Variants in RAB12 observed in about 807,000 individuals in gnomAD.
RAB12 encodes RAB12, member RAS oncogene family.
A neutral mutation model predicts 28.4 loss-of-function variants in RAB12; 11 were observed. The ratio of observed to expected loss-of-function variants is 0.39; its 90% CI spans 0.24 to 0.64. The LOEUF is 0.64. RAB12 is among the 30% of genes least tolerant of loss of function. The probability of loss-of-function intolerance (pLI) is 0.50; values close to 1 mark genes in which losing one functional copy is unlikely to be tolerated. For synonymous variants in RAB12, 138 were observed against 145.3 expected (o/e 0.95, Z 0.36); for missense variants, 276 against 351.1 (o/e 0.79, Z 1.71).
chr18:8,615,924 G>T (rs1057107662), intron 1 of RAB12, among the ~76,000 whole-genome samples: 35 of 152,190 alleles, frequency 2.3e-4, no homozygotes, highest in African/African-American at 8.4e-4. Context: ...CTGGTCTGTG[G>T]AATCTGCCAG....
chr18:8,629,971 A>G (rs2096015016), intron 2 of RAB12, among the ~76,000 whole-genome samples: 1 of 152,232 alleles, frequency 6.6e-6, no homozygotes, highest in Non-Finnish European at 1.5e-5. Flanking sequence ...TGCAAGTGTT[A>G]GTCCTTCCTG....
At chr18:8,624,828 G>A in intron 1 of RAB12, 110 bp from the exon 2 acceptor site, 2 of 735,442 alleles carry the variant, frequency 2.7e-6, no homozygotes, top group Non-Finnish European at 4.7e-6. Flanking sequence ...AGGTTTCGTG[G>A]GGTTTTCTTT....
At chr18:8,635,751 C>T in intron 4 of RAB12, 129 bp downstream of exon 4, 1 of 593,946 alleles carries the variant, frequency 1.7e-6, no homozygotes, top group South Asian at 2.9e-5. Flanking sequence ...CAGTCACATC[C>T]TCCTAATTTG....
rs148294251 is a variant in RAB12, at chr18:8,634,523, A to C, written c.715-1010A>C. 2.0e-3 allele frequency among the ~76,000 whole-genome samples: 303 copies of C among 152,330 alleles called. 4 individuals carry two copies. The highest frequency in any genetic ancestry group is 6.8e-3 in the Middle Eastern group (2 of 294). On this transcript the variant is annotated intron_variant, in intron 3 of 5. Transcript: ENST00000649141. ...ATAGTCTAAAACTTTTAGAACTAAT[A>C]GGATGAATACAAAACCAAAAGAAAT...
intron 5 of RAB12, among the ~76,000 whole-genome samples, chr18:8,636,815 T>C (rs1309531591): frequency 6.6e-6 from 1 of 152,202 alleles, no homozygotes; most frequent in Non-Finnish European, 1.5e-5. Flanking sequence ...TCCATGATGC[T>C]GAGTTGCAAG....
Position 8,638,285 on chromosome 18 carries a change from G to A in RAB12, c.*23G>A, listed in dbSNP as rs368602516. 29 of 1,526,790 alleles carry A rather than the reference G, an allele frequency of 1.9e-5. No homozygotes were observed. Among genetic ancestry groups the A allele is most frequent in the Non-Finnish European group, 2.6e-5 (29 of 1,101,974 alleles). 94.6% of individuals were successfully genotyped at this position (1,526,790 alleles called of 1,614,324 possible). On this transcript the variant is annotated 3_prime_UTR_variant, in exon 6 of 6. Transcript: ENST00000649141. ...TGATTTCCTACTTTGGAGACAAAGT[G>A]GAAATGATTCCTGGAAAGGGGAAAA...
At chr18:8,638,076 C>T (rs1320998530) in intron 5 of RAB12, 73 bp from the exon 6 acceptor site, 2 of 936,342 alleles carry the variant, frequency 2.1e-6, no homozygotes, top group African/African-American at 1.6e-5. Flanking sequence ...AGTTGAAACT[C>T]ATGTTCAAGG....
intron 1 of RAB12, among the ~76,000 whole-genome samples, chr18:8,611,397 A>G (rs1308723222): frequency 6.6e-6 from 1 of 152,186 alleles, no homozygotes; most frequent in East Asian, 1.9e-4. Flanking sequence ...GATGAAGAGA[A>G]ATCAGGTACC....
At chr18:8,633,432 G>A in intron 3 of RAB12, 105 bp downstream of exon 3, 1 of 1,308,178 alleles carries the variant, frequency 7.6e-7, no homozygotes, top group Non-Finnish European at 1.1e-6. Context: ...TTTTCATATA[G>A]ACTAAACATC....
intron 1 of RAB12, among the ~76,000 whole-genome samples, chr18:8,622,149 T>TA (rs1289587422): frequency 3.3e-5 from 5 of 152,192 alleles, no homozygotes; most frequent in African/African-American, 9.7e-5. Flanking sequence ...CAGGGACTCT[T>TA]AGTCAATTTG....
At chr18:8,611,482 AGAG>A (rs1026782806) in intron 1 of RAB12, among the ~76,000 whole-genome samples, 1 of 152,144 alleles carries the variant, frequency 6.6e-6, no homozygotes, top group African/African-American at 2.4e-5. Context: ...AGAATGCAGA[AGAG>A]GAGAGAGGAA....
At chr18:8,630,898 G>GT (rs1650119359) in intron 2 of RAB12, among the ~76,000 whole-genome samples, 1 of 150,940 alleles carries the variant, frequency 6.6e-6, no homozygotes, top group Admixed American at 6.6e-5. Flanking sequence ...TTTTGTTTTT[G>GT]TTTTTTGAGA....
chr18:8,636,130 G>A (rs368284042), intron 4 of RAB12, 123 bp from the exon 5 acceptor site: 11 of 678,602 alleles, frequency 1.6e-5, no homozygotes, highest in African/African-American at 9.1e-5. Flanking sequence ...ATCTTTGAGC[G>A]TCAGTGGGAC....
At chr18:8,632,059 A>G (rs771903346) in intron 2 of RAB12, among the ~76,000 whole-genome samples, 2 of 152,114 alleles carry the variant, frequency 1.3e-5, no homozygotes, top group African/African-American at 4.8e-5. Context: ...AGGCAGGTGG[A>G]TCACATGAGG....
At chr18:8,626,140 A>G (rs11662866) in intron 2 of RAB12, among the ~76,000 whole-genome samples, 49,464 of 152,224 alleles carry the variant, frequency 0.32, 9,946 homozygotes, top group East Asian at 0.62. Flanking sequence ...GGTCTTGTCT[A>G]AATACTTGAA....
chr18:8,631,162 T>A (rs1598313127), intron 2 of RAB12, among the ~76,000 whole-genome samples: 1 of 152,350 alleles, frequency 6.6e-6, no homozygotes, highest in Non-Finnish European at 1.5e-5. Flanking sequence ...ATTGCTGGGA[T>A]TACAGGCATG....
chr18:8,624,940 G>A lies in RAB12; in HGVS notation c.517G>A (p.Val173Ile), dbSNP rs1160174414. The A allele has an allele frequency of 6.3e-7, 1 of 1,579,942 alleles. No individual in the cohort carries two copies. The highest frequency in any genetic ancestry group is 8.7e-7 in the Non-Finnish European group (1 of 1,150,306). ...ACATTTATTTGTTTTATTTACAGGT[G>A]TTGACTTCAAAATCAAAACTGTAGA... The part of the protein sequence containing the change: ...FCEACKSTVG[V>I]DFKIKTVELR... The change falls in exon 2 of 6, where the codon GTT (valine) becomes ATT (isoleucine). Residue 173 changes from valine (V) to isoleucine (I), a missense_variant and splice_region_variant. Around this residue, in one of 4 missense-constraint regions of RAB12, gnomAD observed 76 missense variants for 117.9 expected, o/e 0.64. Transcript: ENST00000649141.
rs375660388 is a variant in RAB12, at chr18:8,637,892, A to G, written c.910-257A>G. Among the ~76,000 whole-genome samples, 3 of 152,214 alleles carry G rather than the reference A, an allele frequency of 2.0e-5. No individual in the cohort carries two copies. In the East Asian group the frequency reaches 5.8e-4, roughly 29 times the overall value. ...CATTAGTGGAAGTGGATCATCATAA[A>G]GGTCTTCATCTGTGTCATCTTCACA... On this transcript the variant is annotated intron_variant, in intron 5 of 5. Transcript: ENST00000649141.
chr18:8,616,454 A>G (rs543640070), intron 1 of RAB12, among the ~76,000 whole-genome samples: 15 of 152,176 alleles, frequency 9.9e-5, no homozygotes, highest in African/African-American at 2.9e-4. Context: ...GATTCCATAG[A>G]AAATGTTTTC....
Sources: gnomAD v4.1 joint callset for allele counts (sites outside exome capture counted in the v4.1 genomes callset) on GRCh38, gnomAD v4.1.1 for gene constraint, gnomAD v4.1.1 regional missense constraint, MANE v1.5 for transcripts, NCBI Gene and HGNC (gene_info 2026-07-23, HGNC 2026-07-21) for gene names.